The following ABLIM2 variants were observed in gnomAD, a reference collection of about 807,000 sequenced individuals.
The protein encoded by ABLIM2 is actin binding LIM protein family member 2.
A neutral mutation model predicts 97.7 loss-of-function variants in ABLIM2; 53 were observed. That is an observed-to-expected ratio of 0.54 (90% confidence interval 0.44 to 0.68). The LOEUF (loss-of-function observed/expected upper bound fraction) is 0.68, where lower values mean the gene tolerates loss of function less well. Ranked by LOEUF, ABLIM2 falls within the 30% of genes least tolerant of loss-of-function variation. The pLI, the probability that ABLIM2 is intolerant of heterozygous loss-of-function variation, is 0.00. For missense variants in ABLIM2, 835 were observed against 867.2 expected (o/e 0.96, Z 0.47); for synonymous variants, 361 against 345.8 (o/e 1.04, Z -0.49).
rs1272262067 is a variant in ABLIM2, at chr4:7,999,365, A to G, written c.1619-6438T>C. Among the ~76,000 whole-genome samples, 4 of 152,234 alleles carry G rather than the reference A, an allele frequency of 2.6e-5. No individual in the cohort carries two copies. The highest frequency in any genetic ancestry group is 7.2e-5 in the African/African-American group (3 of 41,464). The stretch of plus-strand genomic sequence containing the variant: ...GAGCCACTGCGCCCGGCCAAGAATC[A>G]CTGGTTTAAAAAGTCCCTTTACATA... On this transcript the variant is annotated intron_variant, in intron 16 of 20. Transcript: ENST00000447017. This position sits in a 1 kb window ranked among gnomAD's most constrained non-coding sequence, Gnocchi z 4.4.
intron 17 of ABLIM2, among the ~76,000 whole-genome samples, chr4:7,991,099 G>A (rs1748354027): frequency 6.6e-6 from 1 of 152,210 alleles, no homozygotes; most frequent in Non-Finnish European, 1.5e-5. Flanking sequence ...TAAAGTTTGA[G>A]GTTCTGCTCT....
intron 9 of ABLIM2, among the ~76,000 whole-genome samples, chr4:8,040,844 C>T (rs575954868): frequency 3.3e-5 from 5 of 152,110 alleles, no homozygotes; most frequent in African/African-American, 9.7e-5. Context: ...GCTTGGAGCA[C>T]GTGTCAGAAT....
intron 10 of ABLIM2, among the ~76,000 whole-genome samples, chr4:8,030,866 A>T (rs1780517231): frequency 6.6e-6 from 1 of 152,148 alleles, no homozygotes; most frequent in Admixed American, 6.5e-5. Context: ...CGTTGGATCC[A>T]AGAGTTTGAT....
rs756866957 is a variant in ABLIM2 at position 8,019,808 on chromosome 4, C to A, written c.1370-137G>T. The A allele has an allele frequency of 9.5e-6, 8 of 839,472 alleles. No homozygotes were observed. The East Asian group carries it at 1.6e-4, about 17-fold the overall frequency. The allele number at this position is 839,472 out of a possible 1,614,324, so 52.0% of individuals were successfully genotyped here. A position where few individuals can be genotyped will look rare whatever the true frequency, so the allele number is the denominator to read the frequency against. ...TCATCAGGCAGGAACTGGCACCCAG[C>A]GAGCGACAGACACCCAGGCCCCAGA... On this transcript the variant is annotated intron_variant, in intron 13 of 20. Transcript: ENST00000447017. The surrounding 1 kb of genome is among the most constrained non-coding windows in gnomAD (Gnocchi z 4.3).
At chr4:7,968,254 G>A (rs553558001) in intron 20 of ABLIM2, among the ~76,000 whole-genome samples, 1 of 152,390 alleles carries the variant, frequency 6.6e-6, no homozygotes, top group East Asian at 1.9e-4. Context: ...CTTCAGTGCA[G>A]CTCTGTGGGG....
intron 7 of ABLIM2, among the ~76,000 whole-genome samples, chr4:8,055,800 T>G (rs1798719337): frequency 6.6e-6 from 1 of 152,076 alleles, no homozygotes; most frequent in South Asian, 2.1e-4. Flanking sequence ...GTTTATAAAT[T>G]AAAAATAAAT....
intron 3 of ABLIM2, among the ~76,000 whole-genome samples, chr4:8,089,320 T>G (rs1825791492): frequency 6.6e-6 from 1 of 152,148 alleles, no homozygotes; most frequent in African/African-American, 2.4e-5. Flanking sequence ...CCTCGACACC[T>G]GCTGCCATCA....
intron 10 of ABLIM2, among the ~76,000 whole-genome samples, chr4:8,034,075 A>G (rs568807241): frequency 6.6e-6 from 1 of 152,318 alleles, no homozygotes; most frequent in Non-Finnish European, 1.5e-5. Flanking sequence ...GGATGTGCTG[A>G]GAAAATAGCC....
chr4:8,111,097 G>A (rs1288163038), intron 1 of ABLIM2, among the ~76,000 whole-genome samples: 3 of 152,226 alleles, frequency 2.0e-5, no homozygotes, highest in Non-Finnish European at 4.4e-5. Context: ...AGTTTCAAGT[G>A]GTCCTTCAGC....
chr4:8,119,657 T>C (rs1477994613), intron 1 of ABLIM2, among the ~76,000 whole-genome samples: 1 of 152,146 alleles, frequency 6.6e-6, no homozygotes, highest in Non-Finnish European at 1.5e-5. Context: ...AATCTTAAAA[T>C]CACCAAAGAA....
Position 8,132,935 on chromosome 4 carries a change from A to C in ABLIM2, c.10+25745T>G, listed in dbSNP as rs1849635710. ...CGATGGGTGTCCCGTGGCTGCTGTG[A>C]CACAGTGCCACAGACGGCAGCTTAA... On this transcript the variant is annotated intron_variant, in intron 1 of 20. Coordinates refer to ENST00000447017, the MANE Select transcript of ABLIM2 (RefSeq NM_001130083.2). The surrounding 1 kb of genome is among the most constrained non-coding windows in gnomAD (Gnocchi z 8.0). Among the ~76,000 whole-genome samples, 1 of 152,176 alleles carries C rather than the reference A, an allele frequency of 6.6e-6. No homozygotes were observed. The highest frequency in any genetic ancestry group is 2.4e-5 in the African/African-American group (1 of 41,440).
In ABLIM2 at chr4:8,113,385, G is replaced by A. The variant is rs1247328585; in HGVS notation, c.11-6748C>T. Reference sequence around the variant, plus strand: ...GCTGGGATTACAGGCATGAGCCACCGTGCCTGGCTGGGGATTTGCTTGACT... The same window carrying A: ...GCTGGGATTACAGGCATGAGCCACCATGCCTGGCTGGGGATTTGCTTGACT... On this transcript the variant is annotated intron_variant, in intron 1 of 20. Transcript: ENST00000447017. The surrounding 1 kb of genome is among the most constrained non-coding windows in gnomAD (Gnocchi z 4.5). Among the ~76,000 whole-genome samples, 8 of 152,164 alleles carry A rather than the reference G, an allele frequency of 5.3e-5. No homozygotes were observed. Among genetic ancestry groups the A allele is most frequent in the African/African-American group, 9.7e-5 (4 of 41,432 alleles).
chr4:8,126,477 C>T (rs865783365), intron 1 of ABLIM2, among the ~76,000 whole-genome samples: 1 of 144,692 alleles, frequency 6.9e-6, no homozygotes, highest in Non-Finnish European at 1.5e-5. Flanking sequence ...TCCCTTTTCT[C>T]CTCTCTCCCT....
At chr4:8,037,636 C>T (rs1560841275) in intron 9 of ABLIM2, among the ~76,000 whole-genome samples, 1 of 151,936 alleles carries the variant, frequency 6.6e-6, no homozygotes, top group African/African-American at 2.4e-5. Flanking sequence ...CACATACTTG[C>T]ACACAATCAC....
chr4:7,977,115 G>A (rs1402390052), intron 20 of ABLIM2, among the ~76,000 whole-genome samples: 1 of 152,200 alleles, frequency 6.6e-6, no homozygotes, highest in Non-Finnish European at 1.5e-5. Context: ...CTGTTCTCGT[G>A]ATAGAGAGTG....
At position 8,148,084 on chromosome 4, in the gene ABLIM2, G is replaced by A. The variant is rs999418276; in HGVS notation, c.10+10596C>T. Among the ~76,000 whole-genome samples, 1 of 152,236 alleles carries A rather than the reference G, an allele frequency of 6.6e-6. No individual in the cohort carries two copies. The highest frequency in any genetic ancestry group is 1.5e-5 in the Non-Finnish European group (1 of 68,042). ...CAACAAGGGATAGTGGCCCGACCTT[G>A]CTGGGGGAGAAACCCCTCACCAAAG... is the stretch of plus-strand genomic sequence containing the variant. On this transcript the variant is annotated intron_variant, in intron 1 of 20. Transcript: ENST00000447017. The surrounding 1 kb of genome is among the most constrained non-coding windows in gnomAD (Gnocchi z 6.7).
chr4:7,978,081 A>G (rs1182739652), intron 20 of ABLIM2, among the ~76,000 whole-genome samples: 20 of 152,068 alleles, frequency 1.3e-4, no homozygotes, highest in Non-Finnish European at 2.9e-4. Context: ...ATGACAGTTA[A>G]GATTTTTTAA....
At chr4:8,131,749 G>T (rs372669146) in intron 1 of ABLIM2, among the ~76,000 whole-genome samples, 8 of 90,794 alleles carry the variant, frequency 8.8e-5, no homozygotes, top group South Asian at 9.6e-4. Flanking sequence ...CAGCACAGCA[G>T]CCCGCATCCC....
intron 8 of ABLIM2, among the ~76,000 whole-genome samples, chr4:8,051,034 C>T (rs544918630): frequency 4.2e-4 from 64 of 152,390 alleles, no homozygotes; most frequent in South Asian, 1.7e-3. Flanking sequence ...GCCAGTGACC[C>T]GGAGGTCAGC....
Sources: gnomAD v4.1 joint callset for allele counts (sites outside exome capture counted in the v4.1 genomes callset) on GRCh38, gnomAD v4.1.1 for gene constraint, Gnocchi (gnomAD v3.1) non-coding constraint, MANE v1.5 for transcripts, NCBI Gene and HGNC (gene_info 2026-07-23, HGNC 2026-07-21) for gene names.